The following SHANK2 variants were observed in gnomAD, a reference collection of about 807,000 sequenced individuals.
SHANK2 encodes the protein SH3 and multiple ankyrin repeat domains protein 2.
Under a neutral mutation model 133.7 loss-of-function variants are expected in SHANK2, and 43 were observed. The ratio of observed to expected loss-of-function variants is 0.32; its 90% CI spans 0.25 to 0.41. The LOEUF is 0.41. Ranked by LOEUF, SHANK2 falls within the 10% of genes least tolerant of loss-of-function variation. The pLI, the probability that SHANK2 is intolerant of heterozygous loss-of-function variation, is 1.00. For missense variants in SHANK2, 1,994 were observed against 2,235.8 expected (o/e 0.89, Z 2.18); for synonymous variants, 1,017 against 952.8 (o/e 1.07, Z -1.24).
intron 14 of SHANK2, among the ~76,000 whole-genome samples, chr11:70,737,618 C>T (rs1024116882): frequency 7.2e-5 from 11 of 152,196 alleles, no homozygotes; most frequent in Non-Finnish European, 1.2e-4. Flanking sequence ...CAAAGGCTTC[C>T]GCGCTCCCTG....
At position 71,232,126 on chromosome 11, in the gene SHANK2, A is replaced by T. The variant is rs182605269; in HGVS notation, c.-112-7330T>A. ...CAAGGAGGGGAAAGCCAATCCCAAA[A>T]GGCTACTTACTGTGTGATTCCATTT... On this transcript the variant is annotated intron_variant, in intron 1 of 25. Transcript: ENST00000601538. 2.6e-5 allele frequency among the ~76,000 whole-genome samples: 4 copies of T among 152,310 alleles called. No individual in the cohort carries two copies. The East Asian group carries it at 7.8e-4, about 30-fold the overall frequency.
In SHANK2 at chr11:70,502,746, C is replaced by CG. The variant is rs782310040; in HGVS notation, c.2197+49_2197+50insC. 33 of 967,278 alleles carry CG rather than the reference C, an allele frequency of 3.4e-5. 2 individuals are homozygous for CG. In the South Asian group the frequency reaches 4.3e-4, roughly 12 times the overall value. 59.9% of individuals were successfully genotyped at this position (967,278 alleles called of 1,614,324 possible). On this transcript the variant is annotated intron_variant, in intron 18 of 25. Transcript: ENST00000601538. The stretch of plus-strand genomic sequence containing the variant: ...CAGCTGTCCTGCCCGCCCCCACCCC[C>CG]CCCCCCCAGTAGGGCCCCAGGCTGG...
intron 17 of SHANK2, among the ~76,000 whole-genome samples, chr11:70,638,465 C>G (rs1555005149): frequency 6.6e-6 from 1 of 152,172 alleles, no homozygotes; most frequent in East Asian, 1.9e-4. Flanking sequence ...CTTCCCTGGG[C>G]CAGCCTGACC....
At chr11:70,933,908 A>C (rs76160771) in intron 10 of SHANK2, among the ~76,000 whole-genome samples, 49 of 151,480 alleles carry the variant, frequency 3.2e-4, no homozygotes, top group East Asian at 2.9e-3. Flanking sequence ...TCAAAAAAAA[A>C]AAAAAACAAA....
At chr11:71,138,744 T>C (rs1170904688) in intron 3 of SHANK2, among the ~76,000 whole-genome samples, 13 of 148,944 alleles carry the variant, frequency 8.7e-5, no homozygotes, top group Non-Finnish European at 1.5e-4. Flanking sequence ...TGAGTTGTGA[T>C]TGCACCACTG....
chr11:70,600,962 G>T (rs2060487198), intron 17 of SHANK2, among the ~76,000 whole-genome samples: 1 of 152,030 alleles, frequency 6.6e-6, no homozygotes, highest in Non-Finnish European at 1.5e-5. Flanking sequence ...CATTAAATTA[G>T]AAATGACTTG....
At chr11:71,077,953 G>A (rs1951243187) in intron 8 of SHANK2, among the ~76,000 whole-genome samples, 1 of 152,082 alleles carries the variant, frequency 6.6e-6, no homozygotes, top group Non-Finnish European at 1.5e-5. Context: ...AAATGTGGAT[G>A]CCTGTGTGTC....
intron 2 of SHANK2, among the ~76,000 whole-genome samples, chr11:71,216,252 G>A (rs1483176902): frequency 6.6e-6 from 1 of 152,216 alleles, no homozygotes; most frequent in Non-Finnish European, 1.5e-5. Context: ...GGATTAAAAA[G>A]ATGCTGTATC....
intron 11 of SHANK2, among the ~76,000 whole-genome samples, chr11:70,894,086 T>C (rs782647134): frequency 1.3e-5 from 2 of 152,252 alleles, no homozygotes; most frequent in Non-Finnish European, 2.9e-5. Context: ...AAGGTATTCA[T>C]AATTATATCC....
intron 11 of SHANK2, among the ~76,000 whole-genome samples, chr11:70,877,951 T>C (rs577923): frequency 0.98 from 149,827 of 152,358 alleles, 73,726 homozygotes; most frequent in East Asian, 1. Flanking sequence ...TGGTTGGGTG[T>C]GCTGGGGAAA....
intron 17 of SHANK2, among the ~76,000 whole-genome samples, chr11:70,647,840 C>A (rs12270605): frequency 6.6e-6 from 1 of 152,342 alleles, no homozygotes; most frequent in African/African-American, 2.4e-5. Context: ...CATCCCACCC[C>A]GGATGGGGAC....
At chr11:70,605,956 CT>C (rs1787727940) in intron 17 of SHANK2, among the ~76,000 whole-genome samples, 1 of 152,120 alleles carries the variant, frequency 6.6e-6, no homozygotes, top group African/African-American at 2.4e-5. Context: ...ATTCCCCCCC[CT>C]CCTTGGGGTA....
chr11:70,661,850 A>T (rs1244364141), intron 15 of SHANK2, 172 bp from the exon 16 acceptor site: 16 of 1,585,002 alleles, frequency 1.0e-5, no homozygotes, highest in South Asian at 5.5e-5. Flanking sequence ...GCGAAGGAAG[A>T]GGGGGGTGGC....
At chr11:70,713,031 G>A (rs1945827357) in intron 14 of SHANK2, among the ~76,000 whole-genome samples, 1 of 152,242 alleles carries the variant, frequency 6.6e-6, no homozygotes, top group Non-Finnish European at 1.5e-5. Context: ...CCCCAGCAGC[G>A]AGGTGCAGGG....
intron 1 of SHANK2, among the ~76,000 whole-genome samples, chr11:71,242,333 A>G (rs3020029): frequency 0.6 from 91,760 of 152,142 alleles, 30,687 homozygotes; most frequent in East Asian, 0.9. Context: ...CACGATGAGC[A>G]TCCTTAATGC....
intron 23 of SHANK2, 25 bp downstream of exon 23, chr11:70,490,251 T>C (rs782225779): frequency 6.3e-7 from 1 of 1,590,018 alleles, no homozygotes; most frequent in Middle Eastern, 1.7e-4. Flanking sequence ...GGGCAACTTC[T>C]GTGGGGGAGT....
rs115510673 is a variant in SHANK2, at chr11:70,483,295, G to A, written c.4979+2019C>T. Among the ~76,000 whole-genome samples the A allele has an allele frequency of 5.1e-3, 778 of 152,274 alleles. 10 individuals carry two copies. Among genetic ancestry groups the A allele is most frequent in the African/African-American group, 0.017 (702 of 41,538 alleles). ...TTACCCACCCATGAGAAAGTGTTTT[G>A]TAAAAATGTGAAACACTAAGATAAG... On this transcript the variant is annotated intron_variant, in intron 25 of 25. Coordinates refer to ENST00000601538, the MANE Select transcript of SHANK2 (RefSeq NM_012309.5).
chr11:70,557,579 G>A (rs1190038017), intron 17 of SHANK2, among the ~76,000 whole-genome samples: 2 of 152,174 alleles, frequency 1.3e-5, no homozygotes, highest in African/African-American at 4.8e-5. Flanking sequence ...GGAGCAGGGA[G>A]CAGGCTGGCA....
chr11:70,674,395 A>C (rs1555016744), intron 15 of SHANK2, among the ~76,000 whole-genome samples: 1 of 149,088 alleles, frequency 6.7e-6, no homozygotes, highest in Non-Finnish European at 1.5e-5. Context: ...TGCTCTTTTT[A>C]CTTGCCAGCT....
Sources: allele counts gnomAD v4.1 joint callset (sites outside exome capture counted in the v4.1 genomes callset), GRCh38; gene constraint gnomAD v4.1.1; transcripts MANE v1.5; gene names NCBI Gene and HGNC (gene_info 2026-07-23, HGNC 2026-07-21).